The following GABRB2 variants were observed in gnomAD, a reference collection of about 807,000 sequenced individuals.
GABRB2 encodes gamma-aminobutyric acid receptor subunit beta-2.
In GABRB2, 16 loss-of-function variants were observed where a neutral mutation model predicts 54.7. The observed-to-expected ratio is 0.29, with a 90% CI of 0.20 to 0.44. The LOEUF is 0.44. Ranked by LOEUF, GABRB2 falls within the 20% of genes least tolerant of loss-of-function variation. GABRB2 has a pLI of 1.00. For synonymous variants in GABRB2, 244 were observed against 233.8 expected, an observed-to-expected ratio of 1.04 and a Z score of -0.40; for missense variants, 355 against 644.0, an observed-to-expected ratio of 0.55 and a Z score of 4.86.
chr5:161,524,077 C>T (rs186505154), intron 3 of GABRB2, among the ~76,000 whole-genome samples: 2 of 151,424 alleles, frequency 1.3e-5, no homozygotes, highest in East Asian at 3.9e-4. Context: ...GTCAGAAAAA[C>T]AGACATGGCC....
chr5:161,509,124 A>G (rs905116843), intron 3 of GABRB2, among the ~76,000 whole-genome samples: 3 of 152,006 alleles, frequency 2.0e-5, no homozygotes, highest in Non-Finnish European at 4.4e-5. Flanking sequence ...CCTCAAAATA[A>G]GAGACATAAA....
intron 5 of GABRB2, among the ~76,000 whole-genome samples, chr5:161,389,558 T>C (rs1315532814): frequency 6.8e-6 from 1 of 146,606 alleles, no homozygotes; most frequent in Non-Finnish European, 1.5e-5. Flanking sequence ...TGGGCTCTTG[T>C]GTATGTTTGT....
At chr5:161,335,547 G>A (rs572077440) in intron 6 of GABRB2, among the ~76,000 whole-genome samples, 1 of 152,168 alleles carries the variant, frequency 6.6e-6, no homozygotes, top group Non-Finnish European at 1.5e-5. Context: ...GGATGACCTG[G>A]GCAATTACCC....
At chr5:161,355,836 T>C (rs1269091961) in intron 5 of GABRB2, among the ~76,000 whole-genome samples, 1 of 144,080 alleles carries the variant, frequency 6.9e-6, no homozygotes, top group Non-Finnish European at 1.6e-5. Flanking sequence ...TGAAGGTTTA[T>C]TTAGTATCCA....
At chr5:161,444,292 A>G (rs1757550356) in intron 4 of GABRB2, among the ~76,000 whole-genome samples, 2 of 152,176 alleles carry the variant, frequency 1.3e-5, no homozygotes, top group African/African-American at 4.8e-5. Context: ...ATAAAAAGTT[A>G]CATACATTTT....
intron 5 of GABRB2, among the ~76,000 whole-genome samples, chr5:161,358,383 A>T (rs1480666622): frequency 6.6e-6 from 1 of 152,166 alleles, no homozygotes; most frequent in Non-Finnish European, 1.5e-5. Flanking sequence ...GTTTTATGTT[A>T]AAATAGAGAC....
At chr5:161,482,156 A>G (rs1270914277) in intron 3 of GABRB2, among the ~76,000 whole-genome samples, 1 of 152,012 alleles carries the variant, frequency 6.6e-6, no homozygotes, top group African/African-American at 2.4e-5. Context: ...TTTCCCATTC[A>G]ACATTAAAGT....
intron 3 of GABRB2, among the ~76,000 whole-genome samples, chr5:161,478,544 G>A (rs1168142459): frequency 6.6e-6 from 1 of 151,922 alleles, no homozygotes; most frequent in African/African-American, 2.4e-5. Context: ...ATATGCTTGT[G>A]TTTTCTGACC....
chr5:161,421,060 C>T (rs1756832641), intron 4 of GABRB2, among the ~76,000 whole-genome samples: 1 of 152,208 alleles, frequency 6.6e-6, no homozygotes, highest in Admixed American at 6.5e-5. Context: ...TGGCCACTGC[C>T]TCATCCCCAG....
chr5:161,302,167 T>C (rs559995576), intron 9 of GABRB2, among the ~76,000 whole-genome samples: 1 of 152,240 alleles, frequency 6.6e-6, no homozygotes, highest in Non-Finnish European at 1.5e-5. Flanking sequence ...TTTTCCAGAC[T>C]GACCCATGTG....
At chr5:161,458,922 G>T (rs1218694362) in intron 4 of GABRB2, among the ~76,000 whole-genome samples, 1 of 152,134 alleles carries the variant, frequency 6.6e-6, no homozygotes, top group Non-Finnish European at 1.5e-5. Context: ...CCACTCTAAT[G>T]AAGAGAAATC....
chr5:161,414,392 C>T (rs535896582), intron 4 of GABRB2, among the ~76,000 whole-genome samples: 4 of 152,152 alleles, frequency 2.6e-5, no homozygotes, highest in South Asian at 2.1e-4. Context: ...TACCTGCTAA[C>T]GTGTAGATAC....
chr5:161,460,385 G>C (rs1758086989), intron 3 of GABRB2, among the ~76,000 whole-genome samples: 1 of 151,986 alleles, frequency 6.6e-6, no homozygotes, highest in African/African-American at 2.4e-5. Flanking sequence ...CCCAGTACCT[G>C]GCATGGGCCA....
intron 3 of GABRB2, among the ~76,000 whole-genome samples, chr5:161,505,966 AAG>A (rs1759594145): frequency 6.6e-6 from 1 of 152,176 alleles, no homozygotes; most frequent in Non-Finnish European, 1.5e-5. Flanking sequence ...GTAAGTAAAT[AAG>A]TAAAATCACA....
chr5:161,361,893 GT>G (rs1754820659), intron 5 of GABRB2, among the ~76,000 whole-genome samples: 1 of 152,068 alleles, frequency 6.6e-6, no homozygotes, highest in Non-Finnish European at 1.5e-5. Flanking sequence ...TTCTACTAGG[GT>G]TTTTATGGTT....
At chr5:161,466,852 T>C (rs1758295563) in intron 3 of GABRB2, among the ~76,000 whole-genome samples, 2 of 152,100 alleles carry the variant, frequency 1.3e-5, no homozygotes, top group South Asian at 4.1e-4. Context: ...GCATTTATTA[T>C]CTATGGAGTT....
chr5:161,517,984 A>G (rs185612354), intron 3 of GABRB2, among the ~76,000 whole-genome samples: 1 of 151,966 alleles, frequency 6.6e-6, no homozygotes, highest in East Asian at 1.9e-4. Flanking sequence ...AATTTTTTGT[A>G]TTTTTAGTAG....
At chr5:161,460,572 T>C (rs1758093863) in intron 3 of GABRB2, among the ~76,000 whole-genome samples, 1 of 152,308 alleles carries the variant, frequency 6.6e-6, no homozygotes, top group Admixed American at 6.5e-5. Flanking sequence ...ATTTTAAAAA[T>C]AGTTATGTAT....
chr5:161,496,762 C>T (rs551828738), intron 3 of GABRB2, among the ~76,000 whole-genome samples: 1 of 152,006 alleles, frequency 6.6e-6, no homozygotes, highest in Non-Finnish European at 1.5e-5. Flanking sequence ...ACCACCAATA[C>T]TCTTGTACTG....
Sources: gnomAD v4.1 joint callset for allele counts (sites outside exome capture counted in the v4.1 genomes callset) on GRCh38, gnomAD v4.1.1 for gene constraint, MANE v1.5 for transcripts, NCBI Gene and HGNC (gene_info 2026-07-23, HGNC 2026-07-21) for gene names.